The following GUCY2C variants were observed in gnomAD, a reference collection of about 807,000 sequenced individuals.
The protein encoded by GUCY2C is guanylate cyclase 2C.
In GUCY2C, 118 loss-of-function variants were observed where a neutral mutation model predicts 131.1. That is an observed-to-expected ratio of 0.90 (90% CI 0.78 to 1.05). The LOEUF is 1.05. Ranked by LOEUF, GUCY2C falls within the 50% of genes least tolerant of loss-of-function variation. The pLI, the probability that GUCY2C is intolerant of heterozygous loss-of-function variation, is 0.00. For missense variants in GUCY2C, 1,161 were observed against 1,304.4 expected (o/e 0.89, Z 1.69); for synonymous variants, 452 against 457.8 (o/e 0.99, Z 0.16).
chr12:14,662,210 A>G (rs1270513580), intron 10 of GUCY2C, among the ~76,000 whole-genome samples: 1 of 152,220 alleles, frequency 6.6e-6, no homozygotes, highest in African/African-American at 2.4e-5. Flanking sequence ...TTTATACAGC[A>G]AGGAAAGAAA....
chr12:14,657,754 C>A, intron 11 of GUCY2C, among the ~76,000 whole-genome samples: 1 of 152,126 alleles, frequency 6.6e-6, no homozygotes, highest in Middle Eastern at 3.4e-3. Context: ...TCTCAAAACT[C>A]TCCCCACCCC....
intron 18 of GUCY2C, 79 bp from the exon 19 acceptor site, chr12:14,640,029 T>G: frequency 2.1e-6 from 2 of 936,764 alleles, no homozygotes; most frequent in Non-Finnish European, 3.5e-6. Context: ...AGAAATCCAG[T>G]TGATTCACTC....
intron 10 of GUCY2C, among the ~76,000 whole-genome samples, chr12:14,664,918 T>A (rs1947941551): frequency 6.6e-6 from 1 of 152,100 alleles, no homozygotes; most frequent in African/African-American, 2.4e-5. Flanking sequence ...GAAATATGAA[T>A]AAGAATAAGC....
intron 17 of GUCY2C, among the ~76,000 whole-genome samples, chr12:14,642,284 A>T (rs2137021735): frequency 6.6e-6 from 1 of 152,214 alleles, no homozygotes; most frequent in African/African-American, 2.4e-5. Flanking sequence ...TCCTATAGAT[A>T]CTCGAGTTTT....
intron 19 of GUCY2C, among the ~76,000 whole-genome samples, chr12:14,635,373 G>A (rs1592711): frequency 0.97 from 147,831 of 152,268 alleles, 71,880 homozygotes; most frequent in Middle Eastern, 1. Flanking sequence ...CCATTGAGTC[G>A]ATAAAGAAAT....
chr12:14,641,152 A>G lies in GUCY2C; in HGVS notation c.1998T>C (p.Tyr666=), dbSNP rs1253654968. The change falls in exon 18 of 27, where the codon TAT becomes TAC. Residue 666 remains tyrosine, a synonymous_variant. Coordinates refer to ENST00000261170, the MANE Select transcript of GUCY2C (RefSeq NM_004963.4). ...GGATGATCTCCTGTGCGATGATCCC[A>G]TAGCTGTACACATCTCCTTTCTGAG... is the stretch of plus-strand genomic sequence containing the variant. ...NISQKGDVYS[Y]GIIAQEIILR... 6.2e-7 allele frequency: 1 copy of G among 1,613,822 alleles called. No individual in the cohort carries two copies. The highest frequency in any genetic ancestry group is 2.2e-5 in the East Asian group (1 of 44,876).
intron 11 of GUCY2C, among the ~76,000 whole-genome samples, chr12:14,659,006 G>GA (rs1947813203): frequency 6.6e-6 from 1 of 151,128 alleles, no homozygotes; most frequent in Admixed American, 6.6e-5. Flanking sequence ...TTTTAATTTT[G>GA]TTTTTTACAT....
intron 8 of GUCY2C, 68 bp downstream of exon 8, chr12:14,674,557 G>T: frequency 7.0e-7 from 1 of 1,428,124 alleles, no homozygotes; most frequent in East Asian, 2.3e-5. Context: ...CTTCTTTGTT[G>T]CCCCAAATCC....
intron 11 of GUCY2C, 24 bp from the exon 12 acceptor site, chr12:14,656,641 A>C: frequency 2.6e-6 from 3 of 1,160,874 alleles, no homozygotes; most frequent in Non-Finnish European, 3.9e-6. Flanking sequence ...AAAACTGGTC[A>C]ATAGGTTTTT....
chr12:14,694,554 G>T (rs1255155077), intron 1 of GUCY2C, among the ~76,000 whole-genome samples: 2 of 152,184 alleles, frequency 1.3e-5, no homozygotes, highest in African/African-American at 2.4e-5. Flanking sequence ...CCCAGTCCAG[G>T]TCCTCAAAGG....
At position 14,656,574 on chromosome 12, in the gene GUCY2C, G is replaced by A. The variant is rs770632462; in HGVS notation, c.1408C>T (p.His470Tyr). Residue 470 changes from histidine to tyrosine, a missense_variant, in exon 12 of 27, where the codon CAC (histidine) becomes TAC (tyrosine). Coordinates refer to ENST00000261170, the MANE Select transcript of GUCY2C (RefSeq NM_004963.4). ...DYELRQKKWSHIPPENIFPLE... is the reference protein window; with the variant it reads ...DYELRQKKWSYIPPENIFPLE... Reference sequence around the variant, plus strand: ...GGAAAGATATTTTCAGGAGGAATGTGGGACCATTTTTTCTGACGAAGTTCA... The same window carrying A: ...GGAAAGATATTTTCAGGAGGAATGTAGGACCATTTTTTCTGACGAAGTTCA... The A allele has an allele frequency of 6.2e-7, 1 of 1,602,144 alleles. No homozygotes were observed. Among genetic ancestry groups the A allele is most frequent in the Admixed American group, 1.7e-5 (1 of 60,010 alleles).
chr12:14,647,141 AC>A (rs1481274230), intron 15 of GUCY2C, among the ~76,000 whole-genome samples: 1 of 152,076 alleles, frequency 6.6e-6, no homozygotes. Context: ...TTTTAAAATT[AC>A]CCTTCTTTAG....
chr12:14,636,354 G>T (rs1427958974), intron 19 of GUCY2C, among the ~76,000 whole-genome samples: 1 of 151,980 alleles, frequency 6.6e-6, no homozygotes, highest in African/African-American at 2.4e-5. Context: ...AAGAACAAAA[G>T]CCATATGATC....
chr12:14,688,348 T>A (rs1421137110), intron 1 of GUCY2C, among the ~76,000 whole-genome samples: 1 of 152,164 alleles, frequency 6.6e-6, no homozygotes, highest in Non-Finnish European at 1.5e-5. Flanking sequence ...CAATGACTTT[T>A]AGTAAATATA....
intron 11 of GUCY2C, among the ~76,000 whole-genome samples, 192 bp from the exon 12 acceptor site, chr12:14,656,809 A>G (rs1565622023): frequency 1.3e-5 from 2 of 152,166 alleles, no homozygotes. Flanking sequence ...AGGATTTCTG[A>G]TGGGCTTTTA....
chr12:14,622,698 G>C (rs1156772346), intron 21 of GUCY2C, among the ~76,000 whole-genome samples: 1 of 152,162 alleles, frequency 6.6e-6, no homozygotes, highest in East Asian at 1.9e-4. Context: ...ATGAAATAAT[G>C]ATGCATTTAA....
In GUCY2C at chr12:14,676,648, A is replaced by G. The variant is rs566849178; in HGVS notation, c.948+206T>C. Among the ~76,000 whole-genome samples, 10 of 152,302 alleles carry G rather than the reference A, an allele frequency of 6.6e-5. No homozygotes were observed. The East Asian group carries it at 7.7e-4, about 12-fold the overall frequency. ...GTTCTATAGTCTAGCAGAGTGACCTATAGTTAAGAGCTTTGATAGGGATCC... is the reference window on the plus strand; with the variant it reads ...GTTCTATAGTCTAGCAGAGTGACCTGTAGTTAAGAGCTTTGATAGGGATCC... On this transcript the variant is annotated intron_variant, in intron 7 of 26. Coordinates refer to ENST00000261170, the MANE Select transcript of GUCY2C (RefSeq NM_004963.4).
intron 10 of GUCY2C, among the ~76,000 whole-genome samples, chr12:14,665,246 A>AAGTTGAG (rs918091400): frequency 6.6e-6 from 1 of 151,708 alleles, no homozygotes; most frequent in African/African-American, 2.4e-5. Flanking sequence ...AAGCTAAGGA[A>AAGTTGAG]AGTTGAGATT....
intron 17 of GUCY2C, among the ~76,000 whole-genome samples, chr12:14,642,678 A>G (rs769640155): frequency 6.6e-5 from 10 of 152,186 alleles, no homozygotes; most frequent in Non-Finnish European, 1.3e-4. Context: ...GCTGTTTAAG[A>G]TGATAGGATT....
Sources: gnomAD v4.1 joint callset for allele counts (sites outside exome capture counted in the v4.1 genomes callset) on GRCh38, gnomAD v4.1.1 for gene constraint, MANE v1.5 for transcripts, NCBI Gene and HGNC (gene_info 2026-07-23, HGNC 2026-07-21) for gene names.